Variants in DRICH1 observed in about 807,000 individuals in gnomAD.
DRICH1 encodes the protein aspartate-rich protein 1.
A neutral mutation model predicts 39.5 loss-of-function variants in DRICH1; 38 were observed. That is an observed-to-expected ratio of 0.96 (90% CI 0.74 to 1.26). The LOEUF (loss-of-function observed/expected upper bound fraction) is 1.26. Ranked by LOEUF, DRICH1 falls within the 50% of genes most tolerant of loss-of-function variation. The pLI is 0.00. For missense variants in DRICH1, 279 were observed against 270.4 expected (o/e 1.03, Z -0.22); for synonymous variants, 84 against 99.5 (o/e 0.84, Z 0.93).
At chr22:23,611,122 C>T (rs1179344477) in intron 11 of DRICH1, among the ~76,000 whole-genome samples, 1 of 152,122 alleles carries the variant, frequency 6.6e-6, no homozygotes, top group South Asian at 2.1e-4. Flanking sequence ...ACTCACATGC[C>T]CAGTTGTGGA....
chr22:23,613,683 A>C lies in DRICH1; in HGVS notation c.622-23T>G, dbSNP rs559008747. The C allele has an allele frequency of 2.7e-5, 43 of 1,569,600 alleles. No individual in the cohort carries two copies. In the East Asian group the frequency reaches 4.7e-4, roughly 17 times the overall value. On this transcript the variant is annotated intron_variant, in intron 9 of 11. Coordinates refer to ENST00000317749, the MANE Select transcript of DRICH1 (RefSeq NM_016449.4). ...TATCTGCAATTATATAAAAGAAAACATTATGAAAATCAGATTCTGCTGTGC... is the reference window on the plus strand; with the variant it reads ...TATCTGCAATTATATAAAAGAAAACCTTATGAAAATCAGATTCTGCTGTGC...
chr22:23,606,124 G>A (rs1926720491), downstream of DRICH1, among the ~76,000 whole-genome samples: 1 of 151,732 alleles, frequency 6.6e-6, no homozygotes, highest in Non-Finnish European at 1.5e-5. Flanking sequence ...AGTTCATGAT[G>A]GACAAAATAG....
the DRICH1 span, among the ~76,000 whole-genome samples, chr22:23,589,800 T>C: frequency 6.6e-6 from 1 of 152,188 alleles, no homozygotes; most frequent in Admixed American, 6.5e-5. Flanking sequence ...ACCTGTTTGG[T>C]GGGATGACTC....
At position 23,608,632 on chromosome 22, in the gene DRICH1, T is replaced by C. The variant is rs2123756373; in HGVS notation, c.*132A>G. 3 of 954,508 alleles carry C rather than the reference T, an allele frequency of 3.1e-6. No homozygotes were observed. The allele number at this position is 954,508 out of a possible 1,614,324, so 59.1% of individuals were successfully genotyped here. ...GTGGGAAGCAGCCTTGGACTTTTTC[T>C]CTCTGCTGGGACCAAGAGTTTTCCT... On this transcript the variant is annotated 3_prime_UTR_variant, in exon 12 of 12. Transcript: ENST00000317749.
rs532804712 is a variant in DRICH1, at chr22:23,620,604, T to C, written c.396A>G (p.Ser132=). The stretch of plus-strand genomic sequence containing the variant: ...GTTCAAGGTACATACCCTGGACACG[T>C]GACGGTAAAATCTGCAACGAGACAA... ...DDDDDAQILP[S]RVQGGCYRFD... Residue 132 remains serine, a synonymous_variant, in exon 5 of 12, where the codon TCA becomes TCG. Coordinates refer to ENST00000317749, the MANE Select transcript of DRICH1 (RefSeq NM_016449.4). The C allele has an allele frequency of 1.2e-6, 2 of 1,614,032 alleles. No individual in the cohort carries two copies. The highest frequency in any genetic ancestry group is 1.7e-5 in the Admixed American group (1 of 60,024).
intron 8 of DRICH1, among the ~76,000 whole-genome samples, chr22:23,615,551 AG>A (rs1168565082): frequency 6.6e-6 from 1 of 152,372 alleles, no homozygotes; most frequent in East Asian, 1.9e-4. Context: ...ATTCATGGAT[AG>A]GAAGACTAAA....
chr22:23,630,198 C>T (rs1368461492), intron 1 of DRICH1, among the ~76,000 whole-genome samples: 1 of 152,172 alleles, frequency 6.6e-6, no homozygotes, highest in Non-Finnish European at 1.5e-5. Context: ...GGGGCCCCAT[C>T]TGATGGTGGG....
chr22:23,598,655 C>T, the DRICH1 span, among the ~76,000 whole-genome samples: 5 of 152,328 alleles, frequency 3.3e-5, no homozygotes, highest in East Asian at 5.8e-4. Context: ...GGGTGGCCAT[C>T]GGGCTCTGTA....
chr22:23,604,107 T>C, downstream of DRICH1, among the ~76,000 whole-genome samples: 1 of 152,064 alleles, frequency 6.6e-6, no homozygotes, highest in Non-Finnish European at 1.5e-5. Flanking sequence ...TAGTTCTGGA[T>C]TCACACCCCT....
At chr22:23,593,308 G>T in the DRICH1 span, among the ~76,000 whole-genome samples, 1 of 152,218 alleles carries the variant, frequency 6.6e-6, no homozygotes, top group Non-Finnish European at 1.5e-5. Flanking sequence ...GCAGGTAGAA[G>T]AGAGAATGAA....
At chr22:23,632,555 T>C (rs1921021806), upstream of DRICH1, among the ~76,000 whole-genome samples, 1 of 152,172 alleles carries the variant, frequency 6.6e-6, no homozygotes, top group Non-Finnish European at 1.5e-5. Context: ...TTTCCAGTCC[T>C]GAGCTAAGTG....
the DRICH1 span, among the ~76,000 whole-genome samples, chr22:23,589,584 A>G: frequency 6.6e-6 from 1 of 152,236 alleles, no homozygotes; most frequent in Non-Finnish European, 1.5e-5. Context: ...TATTAACATA[A>G]GAATGTATTA....
At position 23,631,836 on chromosome 22, in the gene DRICH1, C is replaced by G; in HGVS notation, c.188G>C (p.Ser63Thr). The G allele has an allele frequency of 6.2e-7, 1 of 1,612,280 alleles. No individual in the cohort carries two copies. Among genetic ancestry groups the G allele is most frequent in the African/African-American group, 1.3e-5 (1 of 74,988 alleles). Reference protein sequence around the residue: ...ATEGQDLQHISNQKMPTGPPE... With the variant: ...ATEGQDLQHITNQKMPTGPPE... ...TTTACCTGTGGGCATCTTTTGGTTG[C>G]TGATGTGCTGCAGGTCTTGGCCCTC... The change falls in exon 1 of 12, where the codon AGC becomes ACC. Residue 63 changes from serine to threonine, a missense_variant. Ser to Thr is a moderately conservative substitution (Grantham distance 58, BLOSUM62 1). Transcript: ENST00000317749.
downstream of DRICH1, among the ~76,000 whole-genome samples, chr22:23,607,541 G>T (rs1029938791): frequency 1.3e-5 from 2 of 149,970 alleles, no homozygotes; most frequent in Middle Eastern, 3.5e-3. Context: ...GCGGGGGCGG[G>T]GGGGGGCCTC....
the DRICH1 span, among the ~76,000 whole-genome samples, chr22:23,595,748 C>A: frequency 2.6e-5 from 4 of 152,296 alleles, no homozygotes; most frequent in East Asian, 5.8e-4. Flanking sequence ...GGCCAGACTT[C>A]CAACCATGGT....
chr22:23,629,797 T>C (rs1031842881), intron 1 of DRICH1, among the ~76,000 whole-genome samples: 11 of 151,798 alleles, frequency 7.2e-5, no homozygotes, highest in South Asian at 2.1e-4. Flanking sequence ...TTTGTATTTT[T>C]ATTAGAGACA....
the DRICH1 span, among the ~76,000 whole-genome samples, chr22:23,592,879 C>CACAA: frequency 3.4e-4 from 43 of 127,320 alleles, no homozygotes; most frequent in South Asian, 1.3e-3. Flanking sequence ...CACACACACA[C>CACAA]AAAATTAGCT....
Position 23,611,109 on chromosome 22 carries a change from C to T in DRICH1, c.685+2180G>A, listed in dbSNP as rs547906785. ...GAGCAATGGGTAACACCAGCCTCAC[C>T]GAACTCACATGCCCAGTTGTGGAAG... On this transcript the variant is annotated intron_variant, in intron 11 of 11. Transcript: ENST00000317749. 5.6e-4 allele frequency among the ~76,000 whole-genome samples: 86 copies of T among 152,252 alleles called. No individual in the cohort carries two copies. In the South Asian group the frequency reaches 9.1e-3, roughly 16 times the overall value.
intron 11 of DRICH1, among the ~76,000 whole-genome samples, chr22:23,609,659 C>G (rs934988390): frequency 2.6e-5 from 4 of 152,106 alleles, no homozygotes; most frequent in African/African-American, 9.7e-5. Flanking sequence ...CCTGCCTTCT[C>G]CCAGCCAGGC....
Sources: allele counts gnomAD v4.1 joint callset (sites outside exome capture counted in the v4.1 genomes callset), GRCh38; gene constraint gnomAD v4.1.1; transcripts MANE v1.5; gene names NCBI Gene and HGNC (gene_info 2026-07-23, HGNC 2026-07-21).